The following DGKG variants were observed in gnomAD, a reference collection of about 807,000 sequenced individuals.
The protein encoded by DGKG is DAG kinase gamma.
In DGKG, 78 loss-of-function variants were observed where a neutral mutation model predicts 105.3. The observed-to-expected ratio is 0.74, with a 90% CI of 0.62 to 0.89. DGKG has a LOEUF of 0.89. Among genes scored for constraint, DGKG ranks in the 40% least tolerant of loss-of-function variants. The probability of loss-of-function intolerance (pLI) is 0.00; values close to 1 mark genes in which losing one functional copy is unlikely to be tolerated. For synonymous variants in DGKG, 346 were observed against 367.1 expected (o/e 0.94, Z 0.66); for missense variants, 958 against 1,020.1 (o/e 0.94, Z 0.83).
intron 21 of DGKG, among the ~76,000 whole-genome samples, chr3:186,197,839 T>G (rs548012430): frequency 1.3e-5 from 2 of 152,376 alleles, no homozygotes; most frequent in East Asian, 3.8e-4. Flanking sequence ...TTATGCCCGT[T>G]AACATACCCT....
At chr3:186,300,129 G>C (rs1329252202) in intron 3 of DGKG, among the ~76,000 whole-genome samples, 1 of 152,030 alleles carries the variant, frequency 6.6e-6, no homozygotes, top group Non-Finnish European at 1.5e-5. Context: ...GAGGCACCAT[G>C]CCCAGCCCCT....
chr3:186,338,426 G>T (rs1463991558), intron 1 of DGKG, among the ~76,000 whole-genome samples: 1 of 152,148 alleles, frequency 6.6e-6, no homozygotes, highest in African/African-American at 2.4e-5. Flanking sequence ...GTTTATTCAT[G>T]TGAGTGATAA....
intron 24 of DGKG, among the ~76,000 whole-genome samples, chr3:186,155,298 T>C (rs1362779623): frequency 1.3e-5 from 2 of 152,202 alleles, no homozygotes; most frequent in African/African-American, 4.8e-5. Context: ...GTTCAAGTGA[T>C]TCTCCCGCCT....
chr3:186,297,591 G>C, intron 4 of DGKG, 108 bp from the exon 5 acceptor site: 1 of 786,422 alleles, frequency 1.3e-6, no homozygotes, highest in Non-Finnish European at 2.2e-6. Flanking sequence ...TTGTGTCTGT[G>C]TCTCGGGGTT....
intron 11 of DGKG, among the ~76,000 whole-genome samples, chr3:186,269,267 G>C (rs942182570): frequency 1.3e-5 from 2 of 152,222 alleles, no homozygotes; most frequent in African/African-American, 2.4e-5. Context: ...CCCTCTTCTG[G>C]AAGGCAGCAT....
chr3:186,348,399 T>C (rs2108668967), intron 1 of DGKG, among the ~76,000 whole-genome samples: 1 of 142,602 alleles, frequency 7.0e-6, no homozygotes, highest in South Asian at 2.2e-4. Context: ...TGTCTGAGAA[T>C]AGCTTTTTTT....
intron 21 of DGKG, 134 bp from the exon 22 acceptor site, chr3:186,188,513 C>T: frequency 4.7e-6 from 4 of 859,500 alleles, no homozygotes; most frequent in South Asian, 3.5e-5. Context: ...CACCACCCTG[C>T]CACTGTCAGA....
Position 186,266,896 on chromosome 3 carries a change from C to G in DGKG, c.1209+789G>C, listed in dbSNP as rs935983094. Among the ~76,000 whole-genome samples, 45 of 152,264 alleles carry G rather than the reference C, an allele frequency of 3.0e-4. 1 individual carries two copies. The highest frequency in any genetic ancestry group is 2.7e-3 in the Admixed American group (41 of 15,294). ...ACAGGCATGAGCCACCGTGGCTGGC[C>G]TTTTTCTCAGGTTTTTAATGACAAA... On this transcript the variant is annotated intron_variant, in intron 13 of 24. Transcript: ENST00000265022.
chr3:186,294,974 A>C (rs1468398298), intron 5 of DGKG, among the ~76,000 whole-genome samples: 1 of 152,168 alleles, frequency 6.6e-6, no homozygotes, highest in Non-Finnish European at 1.5e-5. Context: ...CTTATGATCC[A>C]GGGGTAACTG....
intron 1 of DGKG, among the ~76,000 whole-genome samples, chr3:186,329,900 C>T (rs1725521410): frequency 6.6e-6 from 1 of 152,232 alleles, no homozygotes; most frequent in East Asian, 1.9e-4. Flanking sequence ...GTCTTCCCTA[C>T]AGGACTTTGA....
chr3:186,260,332 G>A (rs983093427), intron 16 of DGKG, 107 bp downstream of exon 16: 9 of 796,658 alleles, frequency 1.1e-5, no homozygotes, highest in Admixed American at 4.9e-5. Context: ...ATGGCAGGAA[G>A]GAACAAGTTG....
intron 19 of DGKG, among the ~76,000 whole-genome samples, chr3:186,246,290 TATATTTTCATTAACCCA>T (rs1720937517): frequency 6.6e-6 from 1 of 152,252 alleles, no homozygotes; most frequent in Non-Finnish European, 1.5e-5. Context: ...ATTTTAATAA[TATATTTTCATTAACCCA>T]ATAAGCCTTG....
At chr3:186,260,616 C>T (rs1721724876) in intron 15 of DGKG, 103 bp from the exon 16 acceptor site, 1 of 881,578 alleles carries the variant, frequency 1.1e-6, no homozygotes, top group Non-Finnish European at 1.8e-6. Flanking sequence ...CCACTGGTGG[C>T]AGGGATGAGG....
intron 9 of DGKG, chr3:186,279,069 T>C (rs906797099): frequency 5.9e-5 from 9 of 152,252 alleles, no homozygotes; most frequent in African/African-American, 2.2e-4. Context: ...AAATGGGAGA[T>C]TTGCCTAACA....
chr3:186,295,871 C>T (rs574978494), intron 5 of DGKG, among the ~76,000 whole-genome samples: 147 of 152,164 alleles, frequency 9.7e-4, no homozygotes, highest in Non-Finnish European at 1.8e-3. Context: ...GTAATCCCAG[C>T]GCTTTTGGGT....
At chr3:186,233,261 G>A (rs1390290107) in intron 20 of DGKG, among the ~76,000 whole-genome samples, 1 of 152,144 alleles carries the variant, frequency 6.6e-6, no homozygotes, top group Non-Finnish European at 1.5e-5. Flanking sequence ...TCAGGGGGAC[G>A]CCATATGAGA....
chr3:186,233,977 T>C (rs1720289103), intron 20 of DGKG, among the ~76,000 whole-genome samples: 1 of 152,260 alleles, frequency 6.6e-6, no homozygotes, highest in African/African-American at 2.4e-5. Flanking sequence ...GAACCTTTCC[T>C]ACTGGGCACT....
intron 1 of DGKG, among the ~76,000 whole-genome samples, chr3:186,355,345 A>ACC: frequency 8.7e-6 from 1 of 115,464 alleles, no homozygotes; most frequent in Non-Finnish European, 1.9e-5. Flanking sequence ...CACCACCACC[A>ACC]ACAACACTAC....
intron 19 of DGKG, 92 bp downstream of exon 19, chr3:186,251,667 A>T: frequency 6.8e-7 from 1 of 1,467,688 alleles, no homozygotes; most frequent in Non-Finnish European, 9.5e-7. Flanking sequence ...TAAGACAGGT[A>T]GACACTAGGG....
Sources: allele counts gnomAD v4.1 joint callset (sites outside exome capture counted in the v4.1 genomes callset), GRCh38; gene constraint gnomAD v4.1.1; transcripts MANE v1.5; gene names NCBI Gene and HGNC (gene_info 2026-07-23, HGNC 2026-07-21).